Variants in VSIG10 observed in about 807,000 individuals in gnomAD.
The protein encoded by VSIG10 is V-set and immunoglobulin domain containing 10.
Under a neutral mutation model 58.7 loss-of-function variants are expected in VSIG10, and 48 were observed. The observed-to-expected ratio is 0.82, with a 90% CI of 0.65 to 1.04. The LOEUF (loss-of-function observed/expected upper bound fraction) is 1.04, where lower values mean the gene tolerates loss of function less well. VSIG10 is among the 50% of genes least tolerant of loss of function. The pLI, the probability that VSIG10 is intolerant of heterozygous loss-of-function variation, is 0.00. For missense variants in VSIG10, 628 were observed against 670.0 expected, an observed-to-expected ratio of 0.94 and a Z score of 0.69; for synonymous variants, 260 against 267.1, an observed-to-expected ratio of 0.97 and a Z score of 0.26.
intron 1 of VSIG10, among the ~76,000 whole-genome samples, chr12:118,098,176 G>A (rs111391887): frequency 6.6e-6 from 1 of 152,058 alleles, no homozygotes; most frequent in Non-Finnish European, 1.5e-5. Flanking sequence ...AATCCAGAAG[G>A]GGTAGAAAGA....
chr12:118,093,607 G>A (rs116500647), intron 2 of VSIG10, among the ~76,000 whole-genome samples: 2,152 of 151,600 alleles, frequency 0.014, 46 homozygotes, highest in African/African-American at 0.049. Flanking sequence ...ACTTAGCACC[G>A]TAGTATAAGA....
At chr12:118,069,000 A>C (rs2032370311) in intron 7 of VSIG10, among the ~76,000 whole-genome samples, 1 of 152,088 alleles carries the variant, frequency 6.6e-6, no homozygotes, top group Non-Finnish European at 1.5e-5. Flanking sequence ...TAAATTAATG[A>C]CTGCATTTAG....
chr12:118,076,121 GT>G lies in VSIG10; in HGVS notation c.926-2130del, dbSNP rs543178677. Among the ~76,000 whole-genome samples, 409 of 152,330 alleles carry G rather than the reference GT, an allele frequency of 2.7e-3. 1 individual carries two copies. The highest frequency in any genetic ancestry group is 4.2e-3 in the Non-Finnish European group (288 of 68,032). On this transcript the variant is annotated intron_variant, in intron 4 of 8. Transcript: ENST00000359236. ...GCTGTATTTGTTTCCAATTGCTGATGTAATAGATTGTGACAAACTTAGTGGC... is the reference window on the plus strand; with the variant it reads ...GCTGTATTTGTTTCCAATTGCTGATGAATAGATTGTGACAAACTTAGTGGC...
chr12:118,064,272 C>T lies in VSIG10; in HGVS notation c.*2367G>A, dbSNP rs535503350. ...ATATGTGACAGCAGTCACAGCTCAG[C>T]TGGTCAAAGGTTTATAGTGTTTGAC... is the stretch of plus-strand genomic sequence containing the variant. On this transcript the variant is annotated 3_prime_UTR_variant, in exon 9 of 9. Transcript: ENST00000359236. The T allele has an allele frequency of 1.3e-5, 2 of 152,282 alleles. No individual in the cohort carries two copies. Among genetic ancestry groups the T allele is most frequent in the South Asian group, 2.1e-4 (1 of 4,830 alleles). 9.4% of individuals were successfully genotyped at this position (152,282 alleles called of 1,614,324 possible). A position where few individuals can be genotyped will look rare whatever the true frequency, so the allele number is the denominator to read the frequency against.
Position 118,073,965 on chromosome 12 carries a change from A to C in VSIG10, c.953T>G (p.Met318Arg). ...IRGPSLLSEP[M>R]KTCFTGGNVT... ...ATTGCCCCCAGTGAAGCAAGTCTTC[A>C]TGGGCTCAGAGAGAAGGGAGGGACC... Residue 318 changes from methionine (M) to arginine (R), a missense_variant, in exon 5 of 9, where the codon ATG becomes AGG. Transcript: ENST00000359236. 1 of 1,591,872 alleles carries C rather than the reference A, an allele frequency of 6.3e-7. No individual in the cohort carries two copies. The highest frequency in any genetic ancestry group is 1.7e-4 in the Middle Eastern group (1 of 5,950).
rs148782097 is a variant in VSIG10, at chr12:118,084,739, C to T, written c.362-2310G>A. Among the ~76,000 whole-genome samples the T allele has an allele frequency of 2.4e-3, 371 of 152,214 alleles. 2 individuals carry two copies. The highest frequency in any genetic ancestry group is 0.014 in the Middle Eastern group (4 of 294). Reference sequence around the variant, plus strand: ...ACTAAAAATACAAAAATCAGCTGGGCGTGGTAGAGCATGCCTGTAATCCCA... The same window carrying T: ...ACTAAAAATACAAAAATCAGCTGGGTGTGGTAGAGCATGCCTGTAATCCCA... On this transcript the variant is annotated intron_variant, in intron 2 of 8. Transcript: ENST00000359236.
At chr12:118,099,883 G>A (rs933629385) in intron 1 of VSIG10, among the ~76,000 whole-genome samples, 40 of 152,308 alleles carry the variant, frequency 2.6e-4, no homozygotes, top group African/African-American at 9.4e-4. Flanking sequence ...TGGAGCCCCA[G>A]GAAGTTCTGA....
rs771508926 is a variant in VSIG10, at chr12:118,068,395, C to A, written c.1549G>T (p.Gly517Ter). The A allele has an allele frequency of 3.1e-6, 5 of 1,612,882 alleles. No individual in the cohort carries two copies. The African/African-American group carries it at 6.7e-5, about 22-fold the overall frequency. Residue 517 changes from glycine to a stop codon, truncating the protein, a stop_gained, in exon 8 of 9, where the codon GGA (glycine) becomes TGA (stop). Coordinates refer to ENST00000359236, the MANE Select transcript of VSIG10 (RefSeq NM_019086.6). LOFTEE classifies it high-confidence loss of function. ...AGCTTACCTTGAAGATCCTGGAATC[C>A]ATTTCCCATCTGTTCTATGTTCCCA... ...VNGNIEQMGN[G>*]FQDLQDDSSE...
At chr12:118,078,967 AAT>A (rs1415020312) in intron 4 of VSIG10, among the ~76,000 whole-genome samples, 6 of 41,504 alleles carry the variant, frequency 1.4e-4, no homozygotes, top group Admixed American at 6.0e-4. Flanking sequence ...AAAAAAAAAA[AAT>A]TTTCTTTATA....
chr12:118,082,533 G>T, intron 2 of VSIG10, 104 bp from the exon 3 acceptor site: 2 of 1,174,676 alleles, frequency 1.7e-6, no homozygotes, highest in Non-Finnish European at 2.4e-6. Flanking sequence ...CCAATGAAGA[G>T]TATGGTATCT....
At chr12:118,071,164 G>T in intron 6 of VSIG10, 97 bp from the exon 7 acceptor site, 1 of 1,411,520 alleles carries the variant, frequency 7.1e-7, no homozygotes, top group Non-Finnish European at 9.8e-7. Context: ...GAACAAATAA[G>T]AAAACTGACT....
intron 8 of VSIG10, 36 bp downstream of exon 8, chr12:118,068,341 G>C (rs992638716): frequency 1.6e-5 from 25 of 1,594,938 alleles, no homozygotes; most frequent in Non-Finnish European, 2.1e-5. Context: ...TTTTTTGTTT[G>C]TTTTCTGTTT....
At chr12:118,090,096 C>T (rs1433079932) in intron 2 of VSIG10, among the ~76,000 whole-genome samples, 1 of 151,976 alleles carries the variant, frequency 6.6e-6, no homozygotes, top group Non-Finnish European at 1.5e-5. Context: ...GGCGGATCAC[C>T]TGGGGTCAGG....
chr12:118,098,020 C>A (rs1345274308), intron 1 of VSIG10, among the ~76,000 whole-genome samples: 3 of 152,154 alleles, frequency 2.0e-5, no homozygotes, highest in Non-Finnish European at 4.4e-5. Context: ...AGTCATCGAT[C>A]CCCAGGCAGA....
chr12:118,085,480 G>A (rs2033094479), intron 2 of VSIG10, among the ~76,000 whole-genome samples: 1 of 152,096 alleles, frequency 6.6e-6, no homozygotes, highest in Non-Finnish European at 1.5e-5. Flanking sequence ...CATGAAATCT[G>A]ACTGGGGTCT....
intron 7 of VSIG10, among the ~76,000 whole-genome samples, chr12:118,070,547 C>CAAAAAAA (rs10607174): frequency 1.8e-5 from 2 of 111,566 alleles, no homozygotes; most frequent in Admixed American, 9.1e-5. Context: ...GATTCTGTCT[C>CAAAAAAA]AAAAAAAAAA....
chr12:118,091,428 C>T (rs1003113482), intron 2 of VSIG10, among the ~76,000 whole-genome samples: 1 of 151,038 alleles, frequency 6.6e-6, no homozygotes, highest in Admixed American at 6.6e-5. Flanking sequence ...GAAGGTGGAC[C>T]TTGCAGTGAG....
chr12:118,084,912 T>G lies in VSIG10; in HGVS notation c.362-2483A>C, dbSNP rs533362830. On this transcript the variant is annotated intron_variant, in intron 2 of 8. Transcript: ENST00000359236. ...CGGGCGCCTGTAGTCCCAGCTACTC[T>G]GGAGGCTGAGGCAGGAGAATGGTGT... is the stretch of plus-strand genomic sequence containing the variant. Among the ~76,000 whole-genome samples the G allele has an allele frequency of 3.0e-3, 455 of 152,134 alleles. 1 individual carries two copies. Among genetic ancestry groups the G allele is most frequent in the African/African-American group, 0.01 (432 of 41,498 alleles).
rs2032260983 is a variant in VSIG10 at position 118,066,709 on chromosome 12, A to T, written c.1568-15T>A. 2 of 1,587,096 alleles carry T rather than the reference A, an allele frequency of 1.3e-6. No individual in the cohort carries two copies. Among genetic ancestry groups the T allele is most frequent in the African/African-American group, 2.7e-5 (2 of 73,770 alleles). ...ACTGCTGTCATCTGTATGGGGGGAA[A>T]TAAACCCAATGCTTTGTAATCAGAG... On this transcript the variant is annotated splice_polypyrimidine_tract_variant and intron_variant, in intron 8 of 8. Transcript: ENST00000359236.
Sources: allele counts gnomAD v4.1 joint callset (sites outside exome capture counted in the v4.1 genomes callset), GRCh38; gene constraint gnomAD v4.1.1; transcripts MANE v1.5; gene names NCBI Gene and HGNC (gene_info 2026-07-23, HGNC 2026-07-21).